IL1RAPL1: variants seen among roughly 807,000 people sequenced by gnomAD.
IL1RAPL1 encodes interleukin-1 receptor accessory protein-like 1.
IL1RAPL1 carries 3 observed loss-of-function variants against 48.4 expected under a neutral mutation model. The ratio of observed to expected loss-of-function variants is 0.06; its 90% confidence interval spans 0.03 to 0.16. The LOEUF is 0.16. Ranked by LOEUF, IL1RAPL1 falls within the 10% of genes least tolerant of loss-of-function variation. The pLI, the probability that IL1RAPL1 is intolerant of heterozygous loss-of-function variation, is 1.00. For synonymous variants in IL1RAPL1, 185 were observed against 187.7 expected (o/e 0.99, Z 0.12); for missense variants, 349 against 530.6 (o/e 0.66, Z 3.36).
In IL1RAPL1 at chrX:28,633,148, C is replaced by T. The variant is rs147642567; in HGVS notation, c.-25+45101C>T. On this transcript the variant is annotated intron_variant, in intron 1 of 10. Transcript: ENST00000378993. ...AGGTGTCGTGCCCACCTTGACCTCT[C>T]AAAGTGCTGGGATTACAGGCATGAA... is the stretch of plus-strand genomic sequence containing the variant. Among the ~76,000 whole-genome samples, 152 of 111,391 alleles carry T rather than the reference C, an allele frequency of 1.4e-3. 1 individual carries two copies. The highest frequency in any genetic ancestry group is 4.9e-3 in the African/African-American group (151 of 30,642).
intron 6 of IL1RAPL1, among the ~76,000 whole-genome samples, chrX:29,800,931 C>T (rs1286363541): frequency 1.1e-5 from 1 of 92,022 alleles, no homozygotes; most frequent in Non-Finnish European, 2.1e-5. Flanking sequence ...ACCTGGGAGG[C>T]GGAGGTTGTG....
At chrX:28,815,401 A>C (rs1936851527) in intron 2 of IL1RAPL1, among the ~76,000 whole-genome samples, 1 of 110,796 alleles carries the variant, frequency 9.0e-6, no homozygotes, top group Admixed American at 9.6e-5. Context: ...TCATAGAATC[A>C]AATCAGGATA....
intron 2 of IL1RAPL1, among the ~76,000 whole-genome samples, chrX:28,931,734 T>C (rs1377418247): frequency 8.9e-6 from 1 of 111,891 alleles, no homozygotes; most frequent in Admixed American, 9.6e-5. Context: ...CAAATGGTGT[T>C]ATCTGTGCTA....
chrX:29,340,520 C>G (rs1304633055), intron 3 of IL1RAPL1, among the ~76,000 whole-genome samples: 1 of 112,156 alleles, frequency 8.9e-6, no homozygotes, highest in Non-Finnish European at 1.9e-5. Context: ...ATCAACATTT[C>G]ATTTCTTTTT....
chrX:29,302,673 A>G lies in IL1RAPL1; in HGVS notation c.362+19456A>G, dbSNP rs182292873. 1.5e-4 allele frequency among the ~76,000 whole-genome samples: 17 copies of G among 111,901 alleles called. No homozygotes were observed. In the East Asian group the frequency reaches 4.8e-3, roughly 32 times the overall value. ...CACAAAAAGGTTCAGGGAGACAATG[A>G]AAAACTTTAATCAGATGGATGACAA... On this transcript the variant is annotated intron_variant, in intron 3 of 10. Transcript: ENST00000378993.
intron 5 of IL1RAPL1, among the ~76,000 whole-genome samples, chrX:29,561,024 T>G (rs1922177446): frequency 1.8e-5 from 2 of 112,167 alleles, no homozygotes; most frequent in Admixed American, 1.9e-4. Context: ...ACAAAGACTT[T>G]CATTAGTCAG....
intron 5 of IL1RAPL1, among the ~76,000 whole-genome samples, chrX:29,567,214 C>T (rs1241939332): frequency 1.8e-5 from 2 of 108,513 alleles, no homozygotes; most frequent in Admixed American, 9.8e-5. Flanking sequence ...GACAGACTAC[C>T]TACAAAAAAA....
intron 3 of IL1RAPL1, among the ~76,000 whole-genome samples, chrX:29,353,417 A>G (rs1933260194): frequency 8.9e-6 from 1 of 111,887 alleles, no homozygotes; most frequent in South Asian, 3.7e-4. Flanking sequence ...AAATCAATTA[A>G]TGAACATTTG....
At chrX:29,778,716 A>G in intron 6 of IL1RAPL1, among the ~76,000 whole-genome samples, 1 of 112,200 alleles carries the variant, frequency 8.9e-6, no homozygotes, top group Non-Finnish European at 1.9e-5. Flanking sequence ...ACTCTTTGCT[A>G]TCATGCCTTA....
chrX:29,718,250 A>G (rs1288863836), intron 6 of IL1RAPL1, among the ~76,000 whole-genome samples: 1 of 110,954 alleles, frequency 9.0e-6, no homozygotes, highest in Non-Finnish European at 1.9e-5. Flanking sequence ...CTCATTACAC[A>G]TACACCATGG....
At chrX:29,555,595 C>T (rs1251942478) in intron 5 of IL1RAPL1, among the ~76,000 whole-genome samples, 2 of 111,758 alleles carry the variant, frequency 1.8e-5, no homozygotes, top group Non-Finnish European at 3.8e-5. Flanking sequence ...TTCATTGTAG[C>T]CCTTATAACA....
chrX:28,842,179 C>T (rs1038092018), intron 2 of IL1RAPL1, among the ~76,000 whole-genome samples: 2 of 110,194 alleles, frequency 1.8e-5, no homozygotes, highest in Non-Finnish European at 3.8e-5. Flanking sequence ...GCATGTACTT[C>T]AAGGATAAAT....
rs140926220 is a variant in IL1RAPL1, at chrX:28,807,729, C to T, written c.82+18304C>T. Among the ~76,000 whole-genome samples the T allele has an allele frequency of 8.6e-4, 95 of 111,031 alleles. 1 individual carries two copies. The East Asian group carries it at 0.015, about 17-fold the overall frequency. ...AATATTTAAACTTTATAGATGTACG[C>T]CATTTGTTCTCCTATTCATCCTACA... On this transcript the variant is annotated intron_variant, in intron 2 of 10. Transcript: ENST00000378993.
intron 2 of IL1RAPL1, among the ~76,000 whole-genome samples, chrX:29,144,531 A>C (rs1005212547): frequency 6.4e-5 from 6 of 93,251 alleles, no homozygotes; most frequent in Non-Finnish European, 1.3e-4. Flanking sequence ...TGAACCTGAG[A>C]GACAGAGATT....
At chrX:28,801,777 A>T (rs960471730) in intron 2 of IL1RAPL1, among the ~76,000 whole-genome samples, 1 of 112,089 alleles carries the variant, frequency 8.9e-6, no homozygotes, top group Non-Finnish European at 1.9e-5. Flanking sequence ...TTGGGTTTCA[A>T]TGCAGCTGCT....
intron 6 of IL1RAPL1, among the ~76,000 whole-genome samples, chrX:29,794,446 G>A (rs1221382609): frequency 9.0e-6 from 1 of 111,259 alleles, no homozygotes; most frequent in African/African-American, 3.3e-5. Context: ...TTAGAGACAG[G>A]TGGATGATTC....
chrX:28,953,545 A>G (rs1459435298), intron 2 of IL1RAPL1, among the ~76,000 whole-genome samples: 3 of 111,564 alleles, frequency 2.7e-5, no homozygotes, highest in Non-Finnish European at 1.9e-5. Context: ...AGTTCTTTAT[A>G]AAAATACATA....
intron 6 of IL1RAPL1, among the ~76,000 whole-genome samples, chrX:29,880,690 A>G (rs1390666442): frequency 9.0e-6 from 1 of 111,683 alleles, no homozygotes; most frequent in East Asian, 2.8e-4. Context: ...TTTTCCATCA[A>G]ACTTCCCTTT....
intron 2 of IL1RAPL1, among the ~76,000 whole-genome samples, chrX:29,202,806 A>G (rs949802231): frequency 8.9e-6 from 1 of 111,812 alleles, no homozygotes; most frequent in African/African-American, 3.3e-5. Flanking sequence ...GGAACCAAAC[A>G]TTCAGTACAT....
Sources: gnomAD v4.1 joint callset for allele counts (sites outside exome capture counted in the v4.1 genomes callset) on GRCh38, gnomAD v4.1.1 for gene constraint, MANE v1.5 for transcripts, NCBI Gene and HGNC (gene_info 2026-07-23, HGNC 2026-07-21) for gene names.